Variants in RNF38 observed in about 807,000 individuals in gnomAD.
The protein encoded by RNF38 is E3 ubiquitin-protein ligase RNF38.
RNF38 carries 15 observed loss-of-function variants against 67.2 expected under a neutral mutation model. The observed-to-expected ratio is 0.22, with a 90% CI of 0.15 to 0.34. The LOEUF (loss-of-function observed/expected upper bound fraction) is 0.34, where lower values mean the gene tolerates loss of function less well. Among genes scored for constraint, RNF38 ranks in the 10% least tolerant of loss-of-function variants. The pLI, the probability that RNF38 is intolerant of heterozygous loss-of-function variation, is 1.00. For missense variants in RNF38, 524 were observed against 639.9 expected (o/e 0.82, Z 1.95); for synonymous variants, 220 against 218.8 (o/e 1.01, Z -0.05).
chr9:36,401,039 T>C (rs2134159170), upstream of RNF38: 1 of 983,664 alleles, frequency 1.0e-6, no homozygotes, highest in Non-Finnish European at 1.2e-6. Flanking sequence ...ACACGCGCGG[T>C]CCTCCCACTT....
At chr9:36,399,273 G>C (rs372926976) in intron 1 of RNF38, among the ~76,000 whole-genome samples, 29 of 152,236 alleles carry the variant, frequency 1.9e-4, no homozygotes, top group African/African-American at 6.3e-4. Context: ...AAAACCCACA[G>C]ATTATTTAAG....
At chr9:36,376,540 A>AT (rs1158228687) in intron 2 of RNF38, among the ~76,000 whole-genome samples, 1 of 152,158 alleles carries the variant, frequency 6.6e-6, no homozygotes, top group Non-Finnish European at 1.5e-5. Flanking sequence ...TTAGTAGGAG[A>AT]TATAATTTGA....
rs1838967868 is a variant in RNF38, at chr9:36,432,991, A to G, written n.242-8308T>C. 2.0e-5 allele frequency among the ~76,000 whole-genome samples: 3 copies of G among 152,156 alleles called. No homozygotes were observed. The South Asian group carries it at 6.2e-4, about 31-fold the overall frequency. On this transcript the variant is annotated intron_variant and non_coding_transcript_variant, in intron 1 of 3. Coordinates refer to the RNF38 transcript ENST00000488058. ...TAGGAATTCAAATCTCTAGGCTAAG[A>G]AACCTGAAATCTCTAGTATCTTCCC...
chr9:36,416,470 G>A (rs1427492473), intron 2 of RNF38, among the ~76,000 whole-genome samples: 2 of 152,128 alleles, frequency 1.3e-5, no homozygotes, highest in Non-Finnish European at 2.9e-5. Context: ...TGAGAAAGCA[G>A]GCAAGGATTT....
chr9:36,339,545 C>G lies in RNF38; in HGVS notation c.*207G>C. 4.1e-6 allele frequency: 2 copies of G among 487,140 alleles called. No individual in the cohort carries two copies. Among genetic ancestry groups the G allele is most frequent in the Admixed American group, 6.7e-5 (2 of 29,632 alleles). 30.2% of individuals were successfully genotyped at this position (487,140 alleles called of 1,614,324 possible). A position where few individuals can be genotyped will look rare whatever the true frequency, so the allele number is the denominator to read the frequency against. ...AGCTAAAGAAAAAGTCTTTGGAGTTCCAATCACACGGTTAGTATAACAATC... is the reference window on the plus strand; with the variant it reads ...AGCTAAAGAAAAAGTCTTTGGAGTTGCAATCACACGGTTAGTATAACAATC... On this transcript the variant is annotated 3_prime_UTR_variant, in exon 12 of 12. Coordinates refer to ENST00000259605, the MANE Select transcript of RNF38 (RefSeq NM_022781.5).
exon 1 of RNF38, chr9:36,487,342 C>T (rs1231538107): frequency 1.6e-4 from 159 of 984,998 alleles, no homozygotes; most frequent in Non-Finnish European, 1.9e-4. Flanking sequence ...CGCCGCCACC[C>T]TGGGCTCCCG....
At chr9:36,362,200 TACAA>T (rs1360636337) in intron 4 of RNF38, among the ~76,000 whole-genome samples, 19 of 151,896 alleles carry the variant, frequency 1.3e-4, no homozygotes, top group Admixed American at 1.2e-3. Flanking sequence ...CTACTAAAAA[TACAA>T]ACAATTAGCT....
Position 36,339,250 on chromosome 9 carries a change from A to G in RNF38, c.*502T>C, listed in dbSNP as rs1036943131. The G allele has an allele frequency of 6.3e-6, 1 of 158,186 alleles. No homozygotes were observed. Among genetic ancestry groups the G allele is most frequent in the Non-Finnish European group, 1.4e-5 (1 of 71,030 alleles). The allele number at this position is 158,186 out of a possible 1,614,324, so 9.8% of individuals were successfully genotyped here. A position where few individuals can be genotyped will look rare whatever the true frequency, so the allele number is the denominator to read the frequency against. On this transcript the variant is annotated 3_prime_UTR_variant, in exon 12 of 12. Coordinates refer to ENST00000259605, the MANE Select transcript of RNF38 (RefSeq NM_022781.5). ...ACACATTCTTGGTACATGCTGGTATATAGGATCTCATACACACGTTAGCTA... is the reference window on the plus strand; with the variant it reads ...ACACATTCTTGGTACATGCTGGTATGTAGGATCTCATACACACGTTAGCTA...
rs545791372 is a variant in RNF38 at position 36,375,820 on chromosome 9, A to T, written c.356+114T>A. 4.4e-6 allele frequency: 4 copies of T among 907,346 alleles called. No homozygotes were observed. The South Asian group carries it at 6.8e-5, about 15-fold the overall frequency. The allele number at this position is 907,346 out of a possible 1,614,324, so 56.2% of individuals were successfully genotyped here. ...CTTTTTCGTGAGTGAATGTACGTGT[A>T]TATGTGGTGATGTGTTTATGAAATG... On this transcript the variant is annotated intron_variant, in intron 3 of 11. Coordinates refer to ENST00000259605, the MANE Select transcript of RNF38 (RefSeq NM_022781.5).
chr9:36,366,036 C>T (rs917664377), intron 4 of RNF38, among the ~76,000 whole-genome samples: 1 of 151,890 alleles, frequency 6.6e-6, no homozygotes, highest in East Asian at 1.9e-4. Flanking sequence ...ATTTTTATTA[C>T]AGAGAATTTC....
In RNF38 at chr9:36,342,312, G is replaced by A. The variant is rs777894570; in HGVS notation, c.1485+13C>T. ...ATTCAATGTCATTTCCTTTAAAGAT[G>A]TCATCACTTTACCTTAAGCCATTTG... On this transcript the variant is annotated intron_variant, in intron 11 of 11. Coordinates refer to ENST00000259605, the MANE Select transcript of RNF38 (RefSeq NM_022781.5). The A allele has an allele frequency of 3.9e-6, 6 of 1,550,198 alleles. No homozygotes were observed. Among genetic ancestry groups the A allele is most frequent in the East Asian group, 2.2e-5 (1 of 44,564 alleles).
upstream of RNF38, chr9:36,401,329 C>G (rs1449151613): frequency 5.6e-6 from 3 of 531,402 alleles, no homozygotes; most frequent in African/African-American, 2.1e-5. Flanking sequence ...CCCTGCGGAC[C>G]GCAGGGCCCT....
At chr9:36,474,174 G>A (rs543646998) in intron 1 of RNF38, among the ~76,000 whole-genome samples, 44 of 151,430 alleles carry the variant, frequency 2.9e-4, no homozygotes, top group African/African-American at 7.8e-4. Context: ...TTAGCCGGGC[G>A]TGGTGGCGGG....
chr9:36,373,910 C>T (rs946451230), intron 3 of RNF38, among the ~76,000 whole-genome samples: 4 of 152,014 alleles, frequency 2.6e-5, no homozygotes, highest in Non-Finnish European at 4.4e-5. Context: ...AGGCTGGTCT[C>T]GAACTCCTGA....
At chr9:36,459,252 CA>C (rs1839667827) in intron 1 of RNF38, among the ~76,000 whole-genome samples, 1 of 151,530 alleles carries the variant, frequency 6.6e-6, no homozygotes, top group Non-Finnish European at 1.5e-5. Context: ...CACAGCTACA[CA>C]CTGAAAAGAC....
intron 1 of RNF38, among the ~76,000 whole-genome samples, chr9:36,428,511 C>T (rs1838848320): frequency 6.6e-6 from 1 of 151,424 alleles, no homozygotes; most frequent in African/African-American, 2.4e-5. Context: ...TGGACCACGA[C>T]CACATGTTTT....
Position 36,375,984 on chromosome 9 carries a change from T to A in RNF38, c.306A>T (p.Gln102His). 6.2e-7 allele frequency: 1 copy of A among 1,613,326 alleles called. No homozygotes were observed. The highest frequency in any genetic ancestry group is 8.5e-7 in the Non-Finnish European group (1 of 1,179,714). ...NRQPPSVRPS[Q>H]HHFSGERCNT... Reference sequence around the variant, plus strand: ...TGCATCGTTCCCCTGAGAAGTGATGTTGGCTTGGTCGAACTGAAGGGGGCT... The same window carrying A: ...TGCATCGTTCCCCTGAGAAGTGATGATGGCTTGGTCGAACTGAAGGGGGCT... Residue 102 changes from glutamine to histidine, a missense_variant, in exon 3 of 12, where the codon CAA (glutamine) becomes CAT (histidine). Transcript: ENST00000259605.
chr9:36,372,609 A>T (rs1388392719), intron 3 of RNF38: 1 of 697,614 alleles, frequency 1.4e-6, no homozygotes, highest in African/African-American at 1.8e-5. Flanking sequence ...TTAAGTAGTA[A>T]ACAAGAACAG....
chr9:36,420,895 G>C (rs1224952290), intron 2 of RNF38, among the ~76,000 whole-genome samples: 1 of 151,970 alleles, frequency 6.6e-6, no homozygotes, highest in Non-Finnish European at 1.5e-5. Context: ...ATTAACATCA[G>C]AGCTGGAATC....
Sources: allele counts gnomAD v4.1 joint callset (sites outside exome capture counted in the v4.1 genomes callset), GRCh38; gene constraint gnomAD v4.1.1; transcripts MANE v1.5; gene names NCBI Gene and HGNC (gene_info 2026-07-23, HGNC 2026-07-21).